DLG2: variants seen among roughly 807,000 people sequenced by gnomAD.
DLG2 encodes the protein discs large MAGUK scaffold protein 2, also known as disks large homolog 2.
In DLG2, 45 loss-of-function variants were observed where a neutral mutation model predicts 132.5. The observed-to-expected ratio is 0.34, with a 90% CI of 0.27 to 0.44. The LOEUF (loss-of-function observed/expected upper bound fraction) is 0.44. DLG2 is among the 20% of genes least tolerant of loss of function. The probability of loss-of-function intolerance (pLI) is 1.00; values close to 1 mark genes in which losing one functional copy is unlikely to be tolerated. For synonymous variants in DLG2, 424 were observed against 419.6 expected (o/e 1.01, Z -0.13); for missense variants, 1,045 against 1,196.9 (o/e 0.87, Z 1.87).
At chr11:84,189,369 C>T (rs770681519) in intron 8 of DLG2, among the ~76,000 whole-genome samples, 3 of 152,168 alleles carry the variant, frequency 2.0e-5, no homozygotes, top group African/African-American at 7.2e-5. Context: ...CGCTTTTACA[C>T]TATTGGTGGG....
chr11:84,918,744 A>C (rs1566390737), intron 6 of DLG2, among the ~76,000 whole-genome samples: 1 of 152,190 alleles, frequency 6.6e-6, no homozygotes, highest in Non-Finnish European at 1.5e-5. Context: ...GTACTATTCA[A>C]ACTGAAGCCT....
intron 8 of DLG2, among the ~76,000 whole-genome samples, chr11:84,191,758 A>G (rs2096411684): frequency 6.6e-6 from 1 of 152,214 alleles, no homozygotes; most frequent in South Asian, 2.1e-4. Flanking sequence ...ACAACTGCAT[A>G]CAGTCTGTTA....
intron 19 of DLG2, among the ~76,000 whole-genome samples, chr11:83,570,669 A>C (rs1357281437): frequency 6.6e-6 from 1 of 152,170 alleles, no homozygotes; most frequent in Non-Finnish European, 1.5e-5. Context: ...TATGGATGAG[A>C]GTGGGCAGAT....
intron 6 of DLG2, among the ~76,000 whole-genome samples, chr11:84,829,281 C>A (rs1275431823): frequency 6.6e-6 from 1 of 151,562 alleles, no homozygotes; most frequent in African/African-American, 2.4e-5. Context: ...CCACTTCTGA[C>A]AAGAAGCTTT....
rs191286128 is a variant in DLG2, at chr11:83,722,900, T to C, written c.1825+63790A>G. Among the ~76,000 whole-genome samples the C allele has an allele frequency of 4.1e-3, 626 of 152,314 alleles. 4 individuals are homozygous for C. The highest frequency in any genetic ancestry group is 0.012 in the African/African-American group (514 of 41,576). On this transcript the variant is annotated intron_variant, in intron 18 of 27. Coordinates refer to ENST00000376104, the MANE Select transcript of DLG2 (RefSeq NM_001142699.3). ...ATCTGGCTTTATGAGCTGGCAATGATTTTTAAGTCCAGAACGTATGTTACA... is the reference window on the plus strand; with the variant it reads ...ATCTGGCTTTATGAGCTGGCAATGACTTTTAAGTCCAGAACGTATGTTACA...
chr11:83,545,535 T>G (rs1425990739), intron 19 of DLG2, among the ~76,000 whole-genome samples: 1 of 152,122 alleles, frequency 6.6e-6, no homozygotes, highest in African/African-American at 2.4e-5. Flanking sequence ...AATACAGGTC[T>G]GTGAAAATGT....
At chr11:85,365,441 A>G (rs1487158085) in intron 3 of DLG2, among the ~76,000 whole-genome samples, 2 of 152,308 alleles carry the variant, frequency 1.3e-5, no homozygotes, top group East Asian at 1.9e-4. Context: ...GTTATCTGGA[A>G]TCTGTGTTAA....
chr11:84,136,114 A>T (rs2094591060), intron 9 of DLG2, among the ~76,000 whole-genome samples: 1 of 152,176 alleles, frequency 6.6e-6, no homozygotes, highest in Non-Finnish European at 1.5e-5. Flanking sequence ...AGATATCCAC[A>T]GTTGCATGAT....
chr11:83,583,996 G>A (rs1249344725), intron 19 of DLG2, among the ~76,000 whole-genome samples: 5 of 152,278 alleles, frequency 3.3e-5, no homozygotes, highest in South Asian at 2.1e-4. Flanking sequence ...AATTAACTCA[G>A]TGTCAGAAAG....
chr11:84,337,339 G>T (rs779173779), intron 7 of DLG2, among the ~76,000 whole-genome samples: 1 of 152,144 alleles, frequency 6.6e-6, no homozygotes, highest in Non-Finnish European at 1.5e-5. Context: ...CTCAATAAGA[G>T]TTGGATGTCA....
At position 84,952,112 on chromosome 11, in the gene DLG2, A is replaced by C. The variant is rs182538171; in HGVS notation, c.357+159549T>G. Among the ~76,000 whole-genome samples, 28 of 152,360 alleles carry C rather than the reference A, an allele frequency of 1.8e-4. No individual in the cohort carries two copies. The East Asian group carries it at 4.2e-3, about 23-fold the overall frequency. ...TGCTTTTTCTTATCTCTCAGGGTAC[A>C]AATCCAATTATGCTTACTTCTTCCT... is the stretch of plus-strand genomic sequence containing the variant. On this transcript the variant is annotated intron_variant, in intron 6 of 27. Coordinates refer to ENST00000376104, the MANE Select transcript of DLG2 (RefSeq NM_001142699.3).
In DLG2 at chr11:85,604,912, T is replaced by C. The variant is rs114385513; in HGVS notation, c.-92-6124A>G. Among the ~76,000 whole-genome samples, 1,189 of 152,212 alleles carry C rather than the reference T, an allele frequency of 7.8e-3. 18 individuals are homozygous for C. The highest frequency in any genetic ancestry group is 0.028 in the African/African-American group (1,143 of 41,518). ...AGTGATTGGCAATAGTGCTAACAAATGAACTTTTAGAGAAAAGAAAATGAT... is the reference window on the plus strand; with the variant it reads ...AGTGATTGGCAATAGTGCTAACAAACGAACTTTTAGAGAAAAGAAAATGAT... On this transcript the variant is annotated intron_variant, in intron 2 of 27. Transcript: ENST00000376104.
At chr11:84,920,559 C>A (rs1566397060) in intron 6 of DLG2, among the ~76,000 whole-genome samples, 1 of 152,124 alleles carries the variant, frequency 6.6e-6, no homozygotes, top group South Asian at 2.1e-4. Flanking sequence ...GTGTCTTTTT[C>A]CGACTGGAAG....
At chr11:84,148,516 T>C (rs1232681895) in intron 9 of DLG2, among the ~76,000 whole-genome samples, 2 of 152,216 alleles carry the variant, frequency 1.3e-5, no homozygotes, top group East Asian at 3.8e-4. Context: ...CTCAGGATGA[T>C]GGCCTCCACC....
chr11:84,085,994 T>C (rs180950538), intron 10 of DLG2, among the ~76,000 whole-genome samples: 4 of 152,256 alleles, frequency 2.6e-5, no homozygotes, highest in African/African-American at 7.2e-5. Context: ...ATAATTTTTA[T>C]ACAATGTTGA....
intron 7 of DLG2, among the ~76,000 whole-genome samples, chr11:84,474,242 G>C (rs1049495433): frequency 7.9e-5 from 12 of 152,050 alleles, no homozygotes; most frequent in Non-Finnish European, 1.5e-4. Context: ...ACATGTATGT[G>C]TTCCTTCATT....
intron 6 of DLG2, among the ~76,000 whole-genome samples, chr11:84,577,566 G>C (rs906726143): frequency 6.6e-6 from 1 of 152,088 alleles, no homozygotes; most frequent in African/African-American, 2.4e-5. Context: ...GAGATTTGTG[G>C]AACTTTGAAC....
chr11:84,591,839 C>A (rs2099544124), intron 6 of DLG2, among the ~76,000 whole-genome samples: 1 of 151,894 alleles, frequency 6.6e-6, no homozygotes, highest in African/African-American at 2.4e-5. Flanking sequence ...ACCCAAGGAG[C>A]AGGGATTTTA....
chr11:85,139,877 CAGAT>C (rs1191635281), intron 5 of DLG2, among the ~76,000 whole-genome samples: 9 of 151,920 alleles, frequency 5.9e-5, no homozygotes, highest in Admixed American at 2.0e-4. Context: ...TATACACACA[CAGAT>C]AGATAGATTC....
Sources: allele counts gnomAD v4.1 joint callset (sites outside exome capture counted in the v4.1 genomes callset), GRCh38; gene constraint gnomAD v4.1.1; transcripts MANE v1.5; gene names NCBI Gene and HGNC (gene_info 2026-07-23, HGNC 2026-07-21).